Variants in MAP1B observed in about 807,000 individuals in gnomAD.
MAP1B encodes the protein microtubule associated protein 1B, also known as microtubule-associated protein 1B.
MAP1B carries 12 observed loss-of-function variants against 176.1 expected under a neutral mutation model. The observed-to-expected ratio is 0.07, with a 90% confidence interval of 0.04 to 0.11. The LOEUF is 0.11. Among genes scored for constraint, MAP1B ranks in the 10% least tolerant of loss-of-function variants. The pLI is 1.00. For missense variants in MAP1B, 2,523 were observed against 2,990.5 expected (o/e 0.84, Z 3.65); for synonymous variants, 1,044 against 1,135.0 (o/e 0.92, Z 1.61).
At chr5:72,185,096 A>G (rs1194108112) in intron 3 of MAP1B, among the ~76,000 whole-genome samples, 1 of 152,214 alleles carries the variant, frequency 6.6e-6, no homozygotes, top group African/African-American at 2.4e-5. Flanking sequence ...TTAGCCTAAC[A>G]GTTTCAAGGT....
At chr5:72,153,466 A>G (rs911188441) in intron 2 of MAP1B, among the ~76,000 whole-genome samples, 21 of 151,990 alleles carry the variant, frequency 1.4e-4, no homozygotes, top group African/African-American at 5.1e-4. Flanking sequence ...GTGGATACCC[A>G]TCTTCCATAT....
At chr5:72,112,735 G>C (rs936093282) in intron 1 of MAP1B, among the ~76,000 whole-genome samples, 20 of 152,206 alleles carry the variant, frequency 1.3e-4, no homozygotes, top group African/African-American at 4.6e-4. Context: ...TGAAAGAATG[G>C]GGTTCACTGC....
At position 72,133,116 on chromosome 5, in the gene MAP1B, T is replaced by G. The variant is rs559777036; in HGVS notation, c.286+17317T>G. ...CGTGGGATGCTAGCCTGGGAAGAAA[T>G]AGTCTGTCTTTACTGTCCAAGTTTC... On this transcript the variant is annotated intron_variant, in intron 2 of 6. Transcript: ENST00000296755. Among the ~76,000 whole-genome samples, 7 of 152,274 alleles carry G rather than the reference T, an allele frequency of 4.6e-5. No homozygotes were observed. In the East Asian group the frequency reaches 9.7e-4, roughly 21 times the overall value.
intron 2 of MAP1B, among the ~76,000 whole-genome samples, chr5:72,120,223 A>C (rs1561290657): frequency 6.6e-6 from 1 of 152,170 alleles, no homozygotes; most frequent in Non-Finnish European, 1.5e-5. Flanking sequence ...CTGCCTATTA[A>C]AATAATTTAA....
At chr5:72,142,255 A>G (rs1423497997) in intron 2 of MAP1B, among the ~76,000 whole-genome samples, 1 of 152,176 alleles carries the variant, frequency 6.6e-6, no homozygotes, top group African/African-American at 2.4e-5. Flanking sequence ...GAGTGATTTA[A>G]GATCTTCCTG....
chr5:72,190,468 T>C (rs1193336762), intron 4 of MAP1B, among the ~76,000 whole-genome samples: 2 of 152,194 alleles, frequency 1.3e-5, no homozygotes, highest in Non-Finnish European at 2.9e-5. Flanking sequence ...ACCCTGCTGG[T>C]TTATTGAACC....
At position 72,144,487 on chromosome 5, in the gene MAP1B, G is replaced by A. The variant is rs577861999; in HGVS notation, c.286+28688G>A. 2.8e-4 allele frequency among the ~76,000 whole-genome samples: 42 copies of A among 152,078 alleles called. 2 individuals are homozygous for A. Among genetic ancestry groups the A allele is most frequent in the African/African-American group, 9.6e-4 (40 of 41,456 alleles). ...TGGCTCACTGCAGCCTTGAACTCCT[G>A]GGCTCAAGAGATCCTCCCTCCTTAG... is the stretch of plus-strand genomic sequence containing the variant. On this transcript the variant is annotated intron_variant, in intron 2 of 6. Coordinates refer to ENST00000296755, the MANE Select transcript of MAP1B (RefSeq NM_005909.5).
At position 72,107,594 on chromosome 5, in the gene MAP1B, G is replaced by A; in HGVS notation, c.63G>A (p.Ala21=). The change falls in exon 1 of 7, where the codon GCG becomes GCA. Residue 21 remains alanine (A), a synonymous_variant. Transcript: ENST00000296755. ...PEPSGSIANP[A]ASTSPSLSHR... is the part of the protein sequence containing the mutation. Reference sequence around the variant, plus strand: ...CGTCCGGCAGCATCGCCAACCCGGCGGCGTCCACCTCGCCTAGCCTGTCGC... The same window carrying A: ...CGTCCGGCAGCATCGCCAACCCGGCAGCGTCCACCTCGCCTAGCCTGTCGC... The A allele has an allele frequency of 2.5e-6, 4 of 1,594,724 alleles. No individual in the cohort carries two copies. In the Admixed American group the frequency reaches 6.7e-5, roughly 27 times the overall value.
intron 2 of MAP1B, among the ~76,000 whole-genome samples, chr5:72,147,536 GAGAA>G (rs1216509345): frequency 1.3e-5 from 2 of 152,096 alleles, no homozygotes; most frequent in African/African-American, 4.8e-5. Flanking sequence ...ACAAAATGCA[GAGAA>G]AGAAAGGCAA....
intron 2 of MAP1B, among the ~76,000 whole-genome samples, chr5:72,138,738 T>G (rs114170342): frequency 6.5e-4 from 99 of 152,298 alleles, no homozygotes; most frequent in Non-Finnish European, 1.2e-3. Flanking sequence ...TAATGTTGAG[T>G]GACAAGGGAA....
At chr5:72,125,986 T>C (rs1379068891) in intron 2 of MAP1B, among the ~76,000 whole-genome samples, 1 of 152,210 alleles carries the variant, frequency 6.6e-6, no homozygotes, top group South Asian at 2.1e-4. Context: ...AATTGTCCAT[T>C]GGCAGACTCT....
rs1334197114 is a variant in MAP1B at position 72,153,391 on chromosome 5, GA to G, written c.287-30349del. 3.9e-5 allele frequency among the ~76,000 whole-genome samples: 6 copies of G among 152,178 alleles called. No individual in the cohort carries two copies. The East Asian group carries it at 1.2e-3, about 29-fold the overall frequency. On this transcript the variant is annotated intron_variant, in intron 2 of 6. Coordinates refer to ENST00000296755, the MANE Select transcript of MAP1B (RefSeq NM_005909.5). Reference sequence around the variant, plus strand: ...GACAAGAACCACTCATATAAAGGCAGAAAGTCTTTTAATTACATAAAATCTG... The same window carrying G: ...GACAAGAACCACTCATATAAAGGCAGAAGTCTTTTAATTACATAAAATCTG...
Position 72,200,260 on chromosome 5 carries a change from C to T in MAP1B, c.6905C>T (p.Pro2302Leu), listed in dbSNP as rs1244845829. The T allele has an allele frequency of 6.2e-7, 1 of 1,614,166 alleles. No individual in the cohort carries two copies. Among genetic ancestry groups the T allele is most frequent in the Non-Finnish European group, 8.5e-7 (1 of 1,180,030 alleles). The stretch of plus-strand genomic sequence containing the variant: ...GAATCTGTGGAAAAGGCAGCAAAAC[C>T]CACCACCACTCCTGAGGTCAAAGCT... Reference protein sequence around the residue: ...KKESVEKAAKPTTTPEVKAAR... With the variant: ...KKESVEKAAKLTTTPEVKAAR... Residue 2302 changes from proline (P) to leucine (L), a missense_variant, in exon 5 of 7, where the codon CCC becomes CTC. Physicochemically the swap from Pro to Leu is moderately conservative, Grantham distance 98. Around this residue, in one of 4 missense-constraint regions of MAP1B, gnomAD observed 287 missense variants for 401.5 expected, o/e 0.71. Coordinates refer to ENST00000296755, the MANE Select transcript of MAP1B (RefSeq NM_005909.5).
intron 2 of MAP1B, chr5:72,116,579 C>G: frequency 3.6e-6 from 1 of 278,044 alleles, no homozygotes; most frequent in Middle Eastern, 4.2e-4. Flanking sequence ...TCGTCTTCTT[C>G]TTGTGAGCAA....
chr5:72,110,210 C>T (rs1183616551), intron 1 of MAP1B, among the ~76,000 whole-genome samples: 1 of 152,206 alleles, frequency 6.6e-6, no homozygotes, highest in African/African-American at 2.4e-5. Flanking sequence ...ACCCCAGAAG[C>T]CCCCTTGTGT....
intron 1 of MAP1B, among the ~76,000 whole-genome samples, chr5:72,114,784 G>A (rs374259826): frequency 2.2e-4 from 34 of 152,266 alleles, no homozygotes; most frequent in African/African-American, 5.8e-4. Flanking sequence ...AGAGAGTAGG[G>A]CATGAGCACA....
At chr5:72,178,822 T>C (rs1380148920) in intron 2 of MAP1B, among the ~76,000 whole-genome samples, 1 of 151,494 alleles carries the variant, frequency 6.6e-6, no homozygotes, top group Non-Finnish European at 1.5e-5. Context: ...ATCCTAGAAA[T>C]TTACATACAT....
intron 2 of MAP1B, among the ~76,000 whole-genome samples, chr5:72,146,311 G>A (rs573529176): frequency 6.6e-6 from 1 of 152,282 alleles, no homozygotes; most frequent in African/African-American, 2.4e-5. Context: ...ATGTCAGGCA[G>A]GCCACCTTTC....
chr5:72,127,710 A>G (rs919293198), intron 2 of MAP1B, among the ~76,000 whole-genome samples: 3 of 152,266 alleles, frequency 2.0e-5, no homozygotes, highest in Non-Finnish European at 4.4e-5. Context: ...GTACAATAAC[A>G]ACATTAATGA....
Sources: allele counts gnomAD v4.1 joint callset (sites outside exome capture counted in the v4.1 genomes callset), GRCh38; gene constraint gnomAD v4.1.1; regional missense constraint gnomAD v4.1.1; transcripts MANE v1.5; gene names NCBI Gene and HGNC (gene_info 2026-07-23, HGNC 2026-07-21).